CSMD1: variants seen among roughly 807,000 people sequenced by gnomAD.
CSMD1 encodes CUB and sushi domain-containing protein 1.
CSMD1 carries 213 observed loss-of-function variants against 417.5 expected under a neutral mutation model. The observed-to-expected ratio is 0.51, with a 90% CI of 0.46 to 0.57. The LOEUF is 0.57. CSMD1 is among the 20% of genes least tolerant of loss of function. The pLI, the probability that CSMD1 is intolerant of heterozygous loss-of-function variation, is 0.00. For synonymous variants in CSMD1, 2,862 were observed against 1,736.8 expected (o/e 1.65, Z -16.11); for missense variants, 6,923 against 4,529.7 (o/e 1.53, Z -15.17).
At chr8:4,594,348 C>T (rs926718134) in intron 2 of CSMD1, among the ~76,000 whole-genome samples, 28 of 151,854 alleles carry the variant, frequency 1.8e-4, no homozygotes, top group Admixed American at 1.0e-3. Context: ...GGAATACAGG[C>T]GCCAGCATGC....
intron 21 of CSMD1, 87 bp from the exon 22 acceptor site, chr8:3,348,248 C>G: frequency 1.1e-6 from 1 of 914,186 alleles, no homozygotes; most frequent in Non-Finnish European, 1.7e-6. Context: ...TCATGATAGC[C>G]TCCTCTTCTA....
chr8:4,133,200 T>G (rs1054822663), intron 3 of CSMD1, among the ~76,000 whole-genome samples: 2 of 152,282 alleles, frequency 1.3e-5, no homozygotes, highest in South Asian at 4.1e-4. Flanking sequence ...CCTCCCAAAG[T>G]GCTGGGATTA....
chr8:3,252,058 C>G (rs1340890049), intron 26 of CSMD1, among the ~76,000 whole-genome samples: 6 of 151,974 alleles, frequency 3.9e-5, no homozygotes, highest in African/African-American at 1.2e-4. Context: ...CCTTTTATTT[C>G]CTTCTGCCTG....
At position 2,935,509 on chromosome 8, in the gene CSMD1, A is replaced by C. The variant is rs2128909003; in HGVS notation, c.*3076T>G. ...ACTTTAATATTAATACATGTGTAATAGGATTGGAACTGAAAATCAGCTAGA... is the reference window on the plus strand; with the variant it reads ...ACTTTAATATTAATACATGTGTAATCGGATTGGAACTGAAAATCAGCTAGA... On this transcript the variant is annotated 3_prime_UTR_variant, in exon 70 of 70. Transcript: ENST00000635120. 6.6e-6 allele frequency: 1 copy of C among 152,330 alleles called. No homozygotes were observed. The highest frequency in any genetic ancestry group is 6.5e-5 in the Admixed American group (1 of 15,302). 9.4% of individuals were successfully genotyped at this position (152,330 alleles called of 1,614,324 possible). A position where few individuals can be genotyped will look rare whatever the true frequency, so the allele number is the denominator to read the frequency against.
chr8:3,248,277 A>G (rs904280684), intron 26 of CSMD1, among the ~76,000 whole-genome samples: 4 of 151,602 alleles, frequency 2.6e-5, no homozygotes, highest in African/African-American at 9.7e-5. Context: ...TGACACGTTC[A>G]GCCTTATCCA....
At chr8:4,843,829 A>C (rs11997092) in intron 1 of CSMD1, among the ~76,000 whole-genome samples, 1 of 152,356 alleles carries the variant, frequency 6.6e-6, no homozygotes, top group Admixed American at 6.5e-5. Context: ...GTGGAAGCAC[A>C]GGAGAGCTGA....
chr8:4,400,745 G>T (rs1198127468), intron 3 of CSMD1, among the ~76,000 whole-genome samples: 1 of 148,364 alleles, frequency 6.7e-6, no homozygotes, highest in Non-Finnish European at 1.5e-5. Flanking sequence ...CTCTCTAATA[G>T]AGTGCATACA....
intron 2 of CSMD1, among the ~76,000 whole-genome samples, chr8:4,477,272 G>A (rs930797457): frequency 6.6e-6 from 1 of 152,198 alleles, no homozygotes; most frequent in Non-Finnish European, 1.5e-5. Context: ...CCACTAAGGT[G>A]TGGACGGTGG....
intron 1 of CSMD1, among the ~76,000 whole-genome samples, chr8:4,873,830 T>C (rs1400214332): frequency 6.6e-6 from 1 of 152,268 alleles, no homozygotes; most frequent in African/African-American, 2.4e-5. Flanking sequence ...AGTTGTTTTA[T>C]ATTTTACTCT....
chr8:3,637,489 T>C (rs1399914237), intron 7 of CSMD1, among the ~76,000 whole-genome samples: 1 of 152,338 alleles, frequency 6.6e-6, no homozygotes, highest in East Asian at 1.9e-4. Flanking sequence ...GAATTGTTCT[T>C]CTTTGACTAT....
chr8:3,643,405 A>G (rs529720190), intron 7 of CSMD1, among the ~76,000 whole-genome samples: 32 of 152,274 alleles, frequency 2.1e-4, no homozygotes, highest in African/African-American at 7.5e-4. Flanking sequence ...GTGCCTTATC[A>G]GAAATGCCTC....
At chr8:3,755,768 G>A (rs1206149800) in intron 5 of CSMD1, among the ~76,000 whole-genome samples, 1 of 152,114 alleles carries the variant, frequency 6.6e-6, no homozygotes, top group Non-Finnish European at 1.5e-5. Flanking sequence ...AACCTTGACT[G>A]TAACCAATTA....
intron 3 of CSMD1, among the ~76,000 whole-genome samples, chr8:4,398,617 G>A (rs138386015): frequency 3.3e-5 from 5 of 151,842 alleles, no homozygotes; most frequent in African/African-American, 9.7e-5. Flanking sequence ...GGATTGTCTC[G>A]ATCTCCTGAC....
chr8:4,991,571 C>CG (rs1309374092), intron 1 of CSMD1, among the ~76,000 whole-genome samples: 4 of 152,244 alleles, frequency 2.6e-5, no homozygotes, highest in Non-Finnish European at 5.9e-5. Flanking sequence ...CAGCTGCCCA[C>CG]GGCAGTGGCC....
chr8:4,184,412 G>T (rs1042638944), intron 3 of CSMD1, among the ~76,000 whole-genome samples: 1 of 152,218 alleles, frequency 6.6e-6, no homozygotes, highest in African/African-American at 2.4e-5. Flanking sequence ...GAGCATATGA[G>T]GATGTTCCTT....
chr8:4,569,515 G>C (rs550703209), intron 2 of CSMD1, among the ~76,000 whole-genome samples: 92 of 152,188 alleles, frequency 6.0e-4, no homozygotes, highest in African/African-American at 2.1e-3. Context: ...ATCTGTTTTG[G>C]TACCAGTACC....
intron 3 of CSMD1, among the ~76,000 whole-genome samples, chr8:4,173,935 T>C (rs1797901031): frequency 6.6e-6 from 1 of 152,086 alleles, no homozygotes; most frequent in African/African-American, 2.4e-5. Flanking sequence ...ACTAGCTTCT[T>C]CCCTCAGCCT....
chr8:4,887,076 T>C (rs903082353), intron 1 of CSMD1, among the ~76,000 whole-genome samples: 6 of 152,018 alleles, frequency 3.9e-5, no homozygotes, highest in Admixed American at 6.6e-5. Context: ...AGGATATTAA[T>C]TGGAGATTTT....
chr8:4,929,869 AC>A (rs1207721300), intron 1 of CSMD1, among the ~76,000 whole-genome samples: 11 of 152,350 alleles, frequency 7.2e-5, no homozygotes, highest in African/African-American at 2.4e-4. Context: ...TTACAAAGGC[AC>A]TTGGCACCAC....
Sources: allele counts gnomAD v4.1 joint callset (sites outside exome capture counted in the v4.1 genomes callset), GRCh38; gene constraint gnomAD v4.1.1; transcripts MANE v1.5; gene names NCBI Gene and HGNC (gene_info 2026-07-23, HGNC 2026-07-21).